Variants in NCALD observed in about 807,000 individuals in gnomAD.
NCALD encodes neurocalcin delta, also known as neurocalcin-delta.
NCALD carries 10 observed loss-of-function variants against 18.6 expected under a neutral mutation model. The ratio of observed to expected loss-of-function variants is 0.54; its 90% confidence interval spans 0.33 to 0.91. NCALD has a LOEUF of 0.91. NCALD is among the 40% of genes least tolerant of loss of function. The pLI, the probability that NCALD is intolerant of heterozygous loss-of-function variation, is 0.03. For missense variants in NCALD, 184 were observed against 247.6 expected (o/e 0.74, Z 1.72); for synonymous variants, 88 against 87.4 (o/e 1.01, Z -0.04).
intron 1 of NCALD, among the ~76,000 whole-genome samples, chr8:102,026,923 A>G (rs1822479044): frequency 6.6e-6 from 1 of 152,248 alleles, no homozygotes; most frequent in African/African-American, 2.4e-5. Context: ...ACCACATGAA[A>G]GCTGCCAAGG....
intron 3 of NCALD, chr8:101,691,218 A>G: frequency 1.0e-6 from 1 of 985,344 alleles, no homozygotes; most frequent in Non-Finnish European, 1.2e-6. Context: ...GTGAACTTAC[A>G]GCCCCTCTTC....
chr8:101,801,910 C>T (rs1435952417), intron 4 of NCALD, among the ~76,000 whole-genome samples: 1 of 151,956 alleles, frequency 6.6e-6, no homozygotes, highest in Admixed American at 6.5e-5. Flanking sequence ...TCGTGATCCG[C>T]CCGCCTCGGC....
intron 3 of NCALD, among the ~76,000 whole-genome samples, chr8:101,887,888 T>C (rs1176579363): frequency 6.6e-6 from 1 of 152,236 alleles, no homozygotes; most frequent in Non-Finnish European, 1.5e-5. Context: ...GTTGTATCAT[T>C]TGATTCTAGA....
intron 1 of NCALD, among the ~76,000 whole-genome samples, chr8:101,724,639 CT>C (rs1457213136): frequency 6.6e-6 from 1 of 152,222 alleles, no homozygotes. Context: ...AAAATGATGC[CT>C]TATCCTAGAT....
intron 4 of NCALD, among the ~76,000 whole-genome samples, chr8:101,850,081 G>A (rs893643860): frequency 6.6e-6 from 1 of 152,168 alleles, no homozygotes; most frequent in African/African-American, 2.4e-5. Context: ...TAGCTCTGCC[G>A]GGTGTTATCC....
At chr8:101,724,072 T>A (rs547585210) in intron 1 of NCALD, among the ~76,000 whole-genome samples, 4 of 152,350 alleles carry the variant, frequency 2.6e-5, no homozygotes, top group African/African-American at 9.6e-5. Context: ...TACGTATATG[T>A]GACTTTCAGA....
chr8:102,055,181 C>G (rs1164794167), intron 1 of NCALD, among the ~76,000 whole-genome samples: 1 of 151,344 alleles, frequency 6.6e-6, no homozygotes, highest in Admixed American at 6.6e-5. Context: ...AAAGGCGCCA[C>G]TCGGTGAGAC....
intron 3 of NCALD, chr8:101,690,817 G>A: frequency 1.0e-6 from 1 of 985,378 alleles, no homozygotes; most frequent in Non-Finnish European, 1.2e-6. Context: ...CTCCAGCTTG[G>A]CAAGGCATGA....
At chr8:101,801,507 C>T (rs1002607647) in intron 4 of NCALD, among the ~76,000 whole-genome samples, 13 of 151,652 alleles carry the variant, frequency 8.6e-5, no homozygotes, top group Non-Finnish European at 1.8e-4. Context: ...AGAGAATACT[C>T]TTTGCAAACA....
chr8:101,975,882 C>T (rs6468805), intron 2 of NCALD, among the ~76,000 whole-genome samples: 60,433 of 151,960 alleles, frequency 0.4, 12,224 homozygotes, highest in South Asian at 0.45. Context: ...ACCTATTCTA[C>T]CCTGCTCTGG....
At chr8:101,758,033 T>A (rs1464585480) in intron 1 of NCALD, among the ~76,000 whole-genome samples, 1 of 152,144 alleles carries the variant, frequency 6.6e-6, no homozygotes, top group African/African-American at 2.4e-5. Flanking sequence ...CAAACATTCC[T>A]CCTGCATCAG....
At chr8:101,690,431 C>T (rs969794627) in intron 3 of NCALD, 1 of 985,456 alleles carries the variant, frequency 1.0e-6, no homozygotes, top group Non-Finnish European at 1.2e-6. Flanking sequence ...AAGGGCAGCA[C>T]CCGGCCTGCC....
intron 2 of NCALD, among the ~76,000 whole-genome samples, chr8:101,960,257 C>G (rs551705274): frequency 8.5e-5 from 13 of 152,256 alleles, no homozygotes; most frequent in African/African-American, 3.1e-4. Context: ...ACCAATCAGA[C>G]AAAAAACTCA....
chr8:101,892,903 T>G (rs1248915220), intron 3 of NCALD, among the ~76,000 whole-genome samples: 1 of 149,610 alleles, frequency 6.7e-6, no homozygotes. Context: ...TACCAGAAAG[T>G]GATGGGGAGA....
intron 2 of NCALD, among the ~76,000 whole-genome samples, chr8:101,698,732 G>T (rs1815119055): frequency 6.6e-6 from 1 of 152,144 alleles, no homozygotes. Flanking sequence ...GCTATATGCA[G>T]AAAACTGAAA....
intron 2 of NCALD, among the ~76,000 whole-genome samples, chr8:102,016,255 C>A (rs577919638): frequency 1.3e-5 from 2 of 152,270 alleles, no homozygotes; most frequent in East Asian, 3.9e-4. Flanking sequence ...ACAAAACACT[C>A]CACAGATACA....
At chr8:101,756,830 T>C (rs1003466720) in intron 1 of NCALD, among the ~76,000 whole-genome samples, 1 of 152,202 alleles carries the variant, frequency 6.6e-6, no homozygotes, top group African/African-American at 2.4e-5. Flanking sequence ...AAATTTATCC[T>C]ATTAGAATCT....
chr8:101,840,387 C>T (rs1814594894), intron 4 of NCALD, among the ~76,000 whole-genome samples: 1 of 152,174 alleles, frequency 6.6e-6, no homozygotes, highest in Non-Finnish European at 1.5e-5. Context: ...AAGTATGCTG[C>T]TTGGTAGGTC....
chr8:101,874,513 G>A (rs1189899000), intron 4 of NCALD, among the ~76,000 whole-genome samples: 1 of 151,956 alleles, frequency 6.6e-6, no homozygotes, highest in Non-Finnish European at 1.5e-5. Flanking sequence ...GCCCCCAGTC[G>A]AACAGCTGCG....
Sources: gnomAD v4.1 joint callset for allele counts (sites outside exome capture counted in the v4.1 genomes callset) on GRCh38, gnomAD v4.1.1 for gene constraint, MANE v1.5 for transcripts, NCBI Gene and HGNC (gene_info 2026-07-23, HGNC 2026-07-21) for gene names.